Variants in LINS1 observed in about 807,000 individuals in gnomAD.
LINS1 encodes the protein protein Lines homolog 1.
In LINS1, 27 loss-of-function variants were observed where a neutral mutation model predicts 41.6. That is an observed-to-expected ratio of 0.65 (90% CI 0.48 to 0.89). The LOEUF (loss-of-function observed/expected upper bound fraction) is 0.89. LINS1 is among the 40% of genes least tolerant of loss of function. The probability of loss-of-function intolerance (pLI) is 0.00; values close to 1 mark genes in which losing one functional copy is unlikely to be tolerated. For synonymous variants in LINS1, 336 were observed against 312.9 expected, an observed-to-expected ratio of 1.07 and a Z score of -0.78; for missense variants, 955 against 884.1, an observed-to-expected ratio of 1.08 and a Z score of -1.02.
At position 100,569,242 on chromosome 15, in the gene LINS1, A is replaced by G. The variant is rs1383641417; in HGVS notation, c.2270T>C (p.Leu757Ser). ...GGAAAATAAAATGTCAATGTTTTACAAAGTGTTCATAGTTTTATTACTTAT... is the reference window on the plus strand; with the variant it reads ...GGAAAATAAAATGTCAATGTTTTACGAAGTGTTCATAGTTTTATTACTTAT... ...EVISNKTMNT[L>S] Residue 757 changes from leucine to serine, a missense_variant, in exon 7 of 7, where the codon TTG becomes TCG. By Grantham distance (145) the Leu-to-Ser change is moderately radical (BLOSUM62 -2). Coordinates refer to ENST00000314742, the MANE Select transcript of LINS1 (RefSeq NM_001040616.3). 3 of 1,577,174 alleles carry G rather than the reference A, an allele frequency of 1.9e-6. No individual in the cohort carries two copies. The highest frequency in any genetic ancestry group is 2.6e-6 in the Non-Finnish European group (3 of 1,147,676).
chr15:100,571,873 A>G, intron 6 of LINS1, 21 bp downstream of exon 6: 1 of 1,613,986 alleles, frequency 6.2e-7, no homozygotes, highest in East Asian at 2.2e-5. Context: ...CCGTTCAATA[A>G]TTACTTTAAA....
chr15:100,579,829 C>T (rs1465260934), intron 3 of LINS1, among the ~76,000 whole-genome samples: 2 of 152,126 alleles, frequency 1.3e-5, no homozygotes, highest in Admixed American at 6.6e-5. Context: ...AAGGGGTCCA[C>T]CTACTAGTTC....
rs918010898 is a variant in LINS1, at chr15:100,578,126, T to C, written c.489+2137A>G. ...GACATAGGCATGGGCAAGGACTTCA[T>C]GTCTAAAACACCAAAAGCAATGGCA... On this transcript the variant is annotated intron_variant, in intron 3 of 6. Coordinates refer to ENST00000314742, the MANE Select transcript of LINS1 (RefSeq NM_001040616.3). Among the ~76,000 whole-genome samples the C allele has an allele frequency of 4.8e-3, 738 of 152,256 alleles. 8 individuals carry two copies. The highest frequency in any genetic ancestry group is 0.017 in the African/African-American group (705 of 41,542).
chr15:100,571,375 A>T (rs978887816), intron 6 of LINS1, among the ~76,000 whole-genome samples: 3 of 152,248 alleles, frequency 2.0e-5, no homozygotes, highest in Non-Finnish European at 2.9e-5. Flanking sequence ...AAGTACAGCT[A>T]TTTTAATAAA....
intron 1 of LINS1, among the ~76,000 whole-genome samples, chr15:100,581,278 T>G (rs925246131): frequency 1.3e-5 from 2 of 152,184 alleles, no homozygotes; most frequent in African/African-American, 4.8e-5. Flanking sequence ...GGGAGCTGTT[T>G]TGTGTATTAT....
chr15:100,579,835 A>G (rs1195378576), intron 3 of LINS1, among the ~76,000 whole-genome samples: 1 of 152,164 alleles, frequency 6.6e-6, no homozygotes, highest in African/African-American at 2.4e-5. Flanking sequence ...TCCACCTACT[A>G]GTTCGAGAAT....
At chr15:100,573,127 C>A in intron 5 of LINS1, 1 of 156,724 alleles carries the variant, frequency 6.4e-6, no homozygotes, top group Non-Finnish European at 1.4e-5. Context: ...CTCTCTCTCT[C>A]TCTCTCTCCC....
intron 1 of LINS1, among the ~76,000 whole-genome samples, chr15:100,595,594 C>T (rs143231991): frequency 2.3e-4 from 35 of 152,274 alleles, no homozygotes; most frequent in African/African-American, 6.3e-4. Context: ...CTTTGGAAAA[C>T]AATTTGTGGT....
Position 100,581,016 on chromosome 15 carries a change from A to T in LINS1, c.-103-71T>A, listed in dbSNP as rs1264244842. 5.1e-6 allele frequency: 3 copies of T among 583,332 alleles called. No homozygotes were observed. In the African/African-American group the frequency reaches 5.6e-5, roughly 11 times the overall value. 36.1% of individuals were successfully genotyped at this position (583,332 alleles called of 1,614,324 possible). On this transcript the variant is annotated intron_variant, in intron 1 of 6. Transcript: ENST00000314742. ...ATTACAAGAGAAAGCAACTGTTTCCACTTAATCACTAAGTCTCTCAAGTTA... is the reference window on the plus strand; with the variant it reads ...ATTACAAGAGAAAGCAACTGTTTCCTCTTAATCACTAAGTCTCTCAAGTTA...
chr15:100,601,125 T>A (rs1490215510), intron 1 of LINS1, among the ~76,000 whole-genome samples: 1 of 152,246 alleles, frequency 6.6e-6, no homozygotes, highest in Non-Finnish European at 1.5e-5. Flanking sequence ...GATCTTGGCA[T>A]GGCTGGCTCT....
Position 100,573,957 on chromosome 15 carries a change from A to T in LINS1, c.916T>A (p.Cys306Ser), listed in dbSNP as rs1391114846. 6.2e-7 allele frequency: 1 copy of T among 1,614,134 alleles called. No homozygotes were observed. Among genetic ancestry groups the T allele is most frequent in the Non-Finnish European group, 8.5e-7 (1 of 1,180,054 alleles). Residue 306 changes from cysteine (C) to serine (S), a missense_variant, in exon 5 of 7, where the codon TGC becomes AGC. Transcript: ENST00000314742. ...KRKVIIFLKK[C>S]LLCKVGEDLC... ...TCTTCACCCACTTTACAGAGAAGGC[A>T]CTTTTTGAGGAATATGATGACCTTC...
chr15:100,598,604 T>C (rs1316510133), intron 1 of LINS1, among the ~76,000 whole-genome samples: 1 of 152,178 alleles, frequency 6.6e-6, no homozygotes, highest in Non-Finnish European at 1.5e-5. Context: ...GGGCAAGAAC[T>C]ATAAGGAACT....
Position 100,569,926 on chromosome 15 carries a change from T to C in LINS1, c.1586A>G (p.Lys529Arg), listed in dbSNP as rs764794328. The C allele has an allele frequency of 6.9e-6, 11 of 1,598,694 alleles. No homozygotes were observed. The Middle Eastern group carries it at 6.7e-4, about 97-fold the overall frequency. The stretch of plus-strand genomic sequence containing the variant: ...ATTATCCCAGTCCTTTTGCAGTAAT[T>C]TTAAATATCTAACAAAATATTCAAG... ...CFLEYFVRYLKLLQKDWDNFF... is the reference protein window; with the variant it reads ...CFLEYFVRYLRLLQKDWDNFF... Residue 529 changes from lysine to arginine, a missense_variant, in exon 7 of 7, where the codon AAA becomes AGA. Lys to Arg is a conservative substitution (Grantham distance 26, BLOSUM62 2). Coordinates refer to ENST00000314742, the MANE Select transcript of LINS1 (RefSeq NM_001040616.3).
chr15:100,578,341 A>C (rs2038316189), intron 3 of LINS1, among the ~76,000 whole-genome samples: 1 of 152,176 alleles, frequency 6.6e-6, no homozygotes, highest in African/African-American at 2.4e-5. Flanking sequence ...AAAAACAAAC[A>C]ACCTCATCAA....
intron 3 of LINS1, among the ~76,000 whole-genome samples, chr15:100,578,400 T>C (rs953075301): frequency 2.0e-5 from 3 of 152,046 alleles, no homozygotes; most frequent in Non-Finnish European, 2.9e-5. Flanking sequence ...AAGACATTTA[T>C]GCAGCCAACA....
At position 100,580,904 on chromosome 15, in the gene LINS1, T is replaced by C; in HGVS notation, c.-62A>G. On this transcript the variant is annotated 5_prime_UTR_variant, in exon 2 of 7. Coordinates refer to ENST00000314742, the MANE Select transcript of LINS1 (RefSeq NM_001040616.3). The stretch of plus-strand genomic sequence containing the variant: ...AACTCCAAGTTGTAAACATTAAATC[T>C]CAGAAGTGCAATGAATCTCTAAGAA... 6.9e-7 allele frequency: 1 copy of C among 1,459,296 alleles called. No individual in the cohort carries two copies. Among genetic ancestry groups the C allele is most frequent in the Non-Finnish European group, 9.4e-7 (1 of 1,062,542 alleles). The allele number at this position is 1,459,296 out of a possible 1,614,324, so 90.4% of individuals were successfully genotyped here.
Position 100,574,222 on chromosome 15 carries a change from C to G in LINS1, c.651G>C (p.Leu217=), listed in dbSNP as rs1304686824. ...SQKTEILKQF[L]THFDTIFEVF... ...CTTCAAAAATGGTGTCGAAATGAGTCAGGAACTGCTTTAGAATTTCTGCAA... is the reference window on the plus strand; with the variant it reads ...CTTCAAAAATGGTGTCGAAATGAGTGAGGAACTGCTTTAGAATTTCTGCAA... Residue 217 remains leucine, a synonymous_variant, in exon 5 of 7, where the codon CTG becomes CTC. Transcript: ENST00000314742. 1 of 1,606,080 alleles carries G rather than the reference C, an allele frequency of 6.2e-7. No individual in the cohort carries two copies. Among genetic ancestry groups the G allele is most frequent in the Admixed American group, 1.7e-5 (1 of 59,942 alleles).
chr15:100,586,333 C>G (rs1386800810), intron 1 of LINS1: 4 of 152,182 alleles, frequency 2.6e-5, no homozygotes. Context: ...CTTGTTAAAA[C>G]TGAAAGAACA....
At chr15:100,587,263 G>T (rs916389045) in intron 1 of LINS1, among the ~76,000 whole-genome samples, 1 of 150,758 alleles carries the variant, frequency 6.6e-6, no homozygotes. Context: ...ATACATGCTT[G>T]CATTGCTTCA....
Sources: allele counts gnomAD v4.1 joint callset (sites outside exome capture counted in the v4.1 genomes callset), GRCh38; gene constraint gnomAD v4.1.1; transcripts MANE v1.5; gene names NCBI Gene and HGNC (gene_info 2026-07-23, HGNC 2026-07-21).